Variants in ISLR2 observed in about 807,000 individuals in gnomAD.
The protein encoded by ISLR2 is immunoglobulin superfamily containing leucine rich repeat 2, also known as immunoglobulin superfamily containing leucine-rich repeat protein 2.
Under a neutral mutation model 25.5 loss-of-function variants are expected in ISLR2, and 16 were observed. The ratio of observed to expected loss-of-function variants is 0.63; its 90% CI spans 0.43 to 0.95. The LOEUF is 0.95. ISLR2 is among the 40% of genes least tolerant of loss of function. ISLR2 has a pLI of 0.00. For synonymous variants in ISLR2, 508 were observed against 486.6 expected, an observed-to-expected ratio of 1.04 and a Z score of -0.58; for missense variants, 883 against 1,030.7, an observed-to-expected ratio of 0.86 and a Z score of 1.96.
At chr15:74,119,200 T>G (rs1187041153) in intron 2 of ISLR2, among the ~76,000 whole-genome samples, 1 of 151,944 alleles carries the variant, frequency 6.6e-6, no homozygotes, top group East Asian at 1.9e-4. Flanking sequence ...AACTATTCCT[T>G]CTATCTAGCT....
Position 74,135,254 on chromosome 15 carries a change from A to C in ISLR2, c.*262A>C. The C allele has an allele frequency of 1.3e-5, 6 of 458,102 alleles. No homozygotes were observed. Among genetic ancestry groups the C allele is most frequent in the Admixed American group, 3.5e-5 (1 of 28,770 alleles). The allele number at this position is 458,102 out of a possible 1,614,324, so 28.4% of individuals were successfully genotyped here. A position where few individuals can be genotyped will look rare whatever the true frequency, so the allele number is the denominator to read the frequency against. ...CAGTGTTTATCTTACCCCATGCAAG[A>C]CTCCACCCGCAGACGGTGGGCGATA... On this transcript the variant is annotated 3_prime_UTR_variant, in exon 3 of 3. Transcript: ENST00000453268.
At chr15:74,105,440 C>T (rs1210621800) in intron 2 of ISLR2, among the ~76,000 whole-genome samples, 1 of 44,962 alleles carries the variant, frequency 2.2e-5, no homozygotes, top group Non-Finnish European at 4.4e-5. Context: ...TCTCCAGGAC[C>T]GCCCCCCGCC....
At position 74,133,109 on chromosome 15, in the gene ISLR2, C is replaced by A. The variant is rs201469990; in HGVS notation, c.355C>A (p.Leu119Met). 1.0e-4 allele frequency: 163 copies of A among 1,612,646 alleles called. No homozygotes were observed. Among genetic ancestry groups the A allele is most frequent in the Non-Finnish European group, 1.3e-4 (157 of 1,180,002 alleles). The change falls in exon 3 of 3, where the codon CTG (leucine) becomes ATG (methionine). Residue 119 changes from leucine (L) to methionine (M), a missense_variant. Leu to Met is a conservative substitution (Grantham distance 15). Around this residue, in one of 2 missense-constraint regions of ISLR2, gnomAD observed 271 missense variants for 387.9 expected, o/e 0.70. Transcript: ENST00000453268. Reference sequence around the variant, plus strand: ...CATATCCAGCTTTCCGTGGAGCGACCTGCGCAACCTGAGCGCGCTGCAGCT... The same window carrying A: ...CATATCCAGCTTTCCGTGGAGCGACATGCGCAACCTGAGCGCGCTGCAGCT... ...NFISSFPWSD[L>M]RNLSALQLLK... is the part of the protein sequence containing the mutation.
chr15:74,132,196 G>A lies in ISLR2; in HGVS notation c.-8-551G>A, dbSNP rs2072436036. 6.6e-6 allele frequency among the ~76,000 whole-genome samples: 1 copy of A among 152,216 alleles called. No individual in the cohort carries two copies. The highest frequency in any genetic ancestry group is 2.4e-5 in the African/African-American group (1 of 41,446). The stretch of plus-strand genomic sequence containing the variant: ...TGTTTGTGAGTTTAGGAAATGTGTT[G>A]TGAGCCTCCTAATTGAGCATCAGGT... On this transcript the variant is annotated intron_variant, in intron 2 of 2. Coordinates refer to ENST00000453268, the MANE Select transcript of ISLR2 (RefSeq NM_020851.3). This position sits in a 1 kb window ranked among gnomAD's most constrained non-coding sequence, Gnocchi z 4.3.
intron 2 of ISLR2, among the ~76,000 whole-genome samples, chr15:74,118,859 G>A (rs1201593548): frequency 6.6e-6 from 1 of 151,876 alleles, no homozygotes; most frequent in Non-Finnish European, 1.5e-5. Context: ...GGGTTTCACT[G>A]TGTTAGCCAG....
At chr15:74,141,663 T>C (rs1251906754), downstream of ISLR2, among the ~76,000 whole-genome samples, 1 of 152,200 alleles carries the variant, frequency 6.6e-6, no homozygotes, top group African/African-American at 2.4e-5. Flanking sequence ...ATAGTGATCC[T>C]GTGAGGTAAT....
upstream of ISLR2, chr15:74,128,968 G>A (rs1485345595): frequency 6.7e-6 from 3 of 447,312 alleles, no homozygotes. Flanking sequence ...GACTCACCCC[G>A]GGCTAGGGAC....
At chr15:74,117,776 C>T (rs1251476565) in intron 2 of ISLR2, among the ~76,000 whole-genome samples, 2 of 152,228 alleles carry the variant, frequency 1.3e-5, no homozygotes, top group Non-Finnish European at 2.9e-5. Context: ...CAACAGCTCC[C>T]TGGAGGTCAG....
At position 74,134,556 on chromosome 15, in the gene ISLR2, T is replaced by A. The variant is rs1246866193; in HGVS notation, c.1802T>A (p.Leu601Gln). 6.2e-7 allele frequency: 1 copy of A among 1,614,140 alleles called. No individual in the cohort carries two copies. Among genetic ancestry groups the A allele is most frequent in the South Asian group, 1.1e-5 (1 of 91,080 alleles). Residue 601 changes from leucine to glutamine, a missense_variant, in exon 3 of 3, where the codon CTG becomes CAG. Leu to Gln is a moderately radical substitution (Grantham distance 113). Transcript: ENST00000453268. ...ATAGTGGCAGTGAGCGTATTCCTCCTGGTGCTGGCCACAGTGCCCCTTCTG... is the reference window on the plus strand; with the variant it reads ...ATAGTGGCAGTGAGCGTATTCCTCCAGGTGCTGGCCACAGTGCCCCTTCTG... ...LVIVAVSVFL[L>Q]VLATVPLLGA...
rs1237960938 is a variant in ISLR2 at position 74,132,124 on chromosome 15, A to C, written c.-8-623A>C. 1 of 152,680 alleles carries C rather than the reference A, an allele frequency of 6.5e-6. No individual in the cohort carries two copies. Among genetic ancestry groups the C allele is most frequent in the Non-Finnish European group, 1.5e-5 (1 of 68,424 alleles). The allele number at this position is 152,680 out of a possible 1,614,324, so 9.5% of individuals were successfully genotyped here. ...ACACGTACAAATGCTGGTTAAGAGA[A>C]CAATGAGGTCTGCAGGGTCTATTGT... On this transcript the variant is annotated intron_variant, in intron 2 of 2. Transcript: ENST00000453268. This position sits in a 1 kb window ranked among gnomAD's most constrained non-coding sequence, Gnocchi z 4.3.
At chr15:74,112,671 G>A (rs2072177747) in intron 2 of ISLR2, among the ~76,000 whole-genome samples, 1 of 151,918 alleles carries the variant, frequency 6.6e-6, no homozygotes, top group Non-Finnish European at 1.5e-5. Context: ...GGAACTATAG[G>A]CGCATGTTAC....
chr15:74,116,289 G>A (rs2072210213), intron 2 of ISLR2, among the ~76,000 whole-genome samples: 1 of 151,490 alleles, frequency 6.6e-6, no homozygotes, highest in Admixed American at 6.6e-5. Context: ...GGACAGGTGT[G>A]GTGGCTCACG....
intron 2 of ISLR2, among the ~76,000 whole-genome samples, chr15:74,116,945 A>C (rs1165385542): frequency 6.6e-6 from 1 of 152,214 alleles, no homozygotes; most frequent in African/African-American, 2.4e-5. Flanking sequence ...GCTTCTAAGC[A>C]TACTCATATC....
At position 74,134,786 on chromosome 15, in the gene ISLR2, G is replaced by C. The variant is rs771165593; in HGVS notation, c.2032G>C (p.Asp678His). The C allele has an allele frequency of 6.2e-7, 1 of 1,614,060 alleles. No individual in the cohort carries two copies. The highest frequency in any genetic ancestry group is 8.5e-7 in the Non-Finnish European group (1 of 1,179,978). ...EPEDVQGEGL[D>H]EDAEQGDPSG... ...AGAGGACGTGCAGGGGGAGGGCCTT[G>C]ATGAAGACGCGGAGCAGGGAGACCC... is the stretch of plus-strand genomic sequence containing the variant. The change falls in exon 3 of 3, where the codon GAT (aspartate) becomes CAT (histidine). Residue 678 changes from aspartate to histidine, a missense_variant. Physicochemically the swap from Asp to His is moderately conservative, Grantham distance 81. Transcript: ENST00000453268.
At chr15:74,112,040 C>T (rs1469718329) in intron 2 of ISLR2, among the ~76,000 whole-genome samples, 1 of 152,104 alleles carries the variant, frequency 6.6e-6, no homozygotes, top group African/African-American at 2.4e-5. Context: ...CTCTCTGTAC[C>T]ATCTTTGAAA....
upstream of ISLR2, among the ~76,000 whole-genome samples, chr15:74,124,630 G>A (rs559454167): frequency 1.3e-4 from 20 of 152,172 alleles, no homozygotes; most frequent in East Asian, 1.9e-4. Context: ...GTGGTGGCAC[G>A]CACCTGTAAT....
chr15:74,133,815 C>T lies in ISLR2; in HGVS notation c.1061C>T (p.Thr354Ile), dbSNP rs748017451. 1.2e-6 allele frequency: 2 copies of T among 1,613,850 alleles called. No homozygotes were observed. Among genetic ancestry groups the T allele is most frequent in the African/African-American group, 1.3e-5 (1 of 74,952 alleles). ...LLSAKEAGVY[T>I]CRAHNELGAN... ...AGTGCCAAGGAGGCGGGCGTCTACACTTGCCGTGCACACAATGAGCTGGGC... is the reference window on the plus strand; with the variant it reads ...AGTGCCAAGGAGGCGGGCGTCTACATTTGCCGTGCACACAATGAGCTGGGC... The change falls in exon 3 of 3, where the codon ACT becomes ATT. Residue 354 changes from threonine (T) to isoleucine (I), a missense_variant. Thr to Ile is a moderately conservative substitution (Grantham distance 89). Transcript: ENST00000453268.
intron 2 of ISLR2, among the ~76,000 whole-genome samples, chr15:74,108,822 G>C (rs1318074585): frequency 6.6e-6 from 1 of 152,174 alleles, no homozygotes; most frequent in Non-Finnish European, 1.5e-5. Flanking sequence ...ATGCAATGTA[G>C]GGCCTCGCCC....
chr15:74,120,620 G>A (rs1240465494), intron 2 of ISLR2, among the ~76,000 whole-genome samples: 1 of 151,988 alleles, frequency 6.6e-6, no homozygotes, highest in Non-Finnish European at 1.5e-5. Flanking sequence ...CATAGAGTCG[G>A]CTTGGGAACA....
Sources: gnomAD v4.1 joint callset for allele counts (sites outside exome capture counted in the v4.1 genomes callset) on GRCh38, gnomAD v4.1.1 for gene constraint, gnomAD v4.1.1 regional missense constraint, Gnocchi (gnomAD v3.1) non-coding constraint, MANE v1.5 for transcripts, NCBI Gene and HGNC (gene_info 2026-07-23, HGNC 2026-07-21) for gene names.